Variants in PARD3 observed in about 807,000 individuals in gnomAD.
PARD3 encodes the protein par-3 family cell polarity regulator.
Under a neutral mutation model 155.4 loss-of-function variants are expected in PARD3, and 75 were observed. The ratio of observed to expected loss-of-function variants is 0.48; its 90% CI spans 0.40 to 0.58. The LOEUF (loss-of-function observed/expected upper bound fraction) is 0.58, where lower values mean the gene tolerates loss of function less well. Among genes scored for constraint, PARD3 ranks in the 20% least tolerant of loss-of-function variants. The pLI, the probability that PARD3 is intolerant of heterozygous loss-of-function variation, is 0.00. For synonymous variants in PARD3, 576 were observed against 610.5 expected, an observed-to-expected ratio of 0.94 and a Z score of 0.83; for missense variants, 1,642 against 1,721.7, an observed-to-expected ratio of 0.95 and a Z score of 0.82.
In PARD3 at chr10:34,445,060, AT is replaced by A. The variant is rs879519675; in HGVS notation, c.714+5256del. ...TGTTCCCAAATTGGAAAGGCAGAGG[AT>A]TTTTTTTTTTAAGCATACAAAATAT... On this transcript the variant is annotated intron_variant, in intron 5 of 24. Transcript: ENST00000374788. 1.1e-3 allele frequency among the ~76,000 whole-genome samples: 169 copies of A among 148,530 alleles called. 2 individuals are homozygous for A. The highest frequency in any genetic ancestry group is 4.1e-3 in the South Asian group (19 of 4,662).
At position 34,513,586 on chromosome 10, in the gene PARD3, T is replaced by C. The variant is rs1221156782; in HGVS notation, c.403+3393A>G. Among the ~76,000 whole-genome samples, 7 of 152,340 alleles carry C rather than the reference T, an allele frequency of 4.6e-5. No individual in the cohort carries two copies. In the East Asian group the frequency reaches 1.4e-3, roughly 29 times the overall value. On this transcript the variant is annotated intron_variant, in intron 3 of 24. Coordinates refer to ENST00000374788, the MANE Select transcript of PARD3 (RefSeq NM_001184785.2). ...GTGAGCCACCGCACCCAGCCTGGAT[T>C]ATCTTACTTAACTTTCTCATTTCTT...
intron 1 of PARD3, among the ~76,000 whole-genome samples, chr10:34,700,393 A>G (rs1274983782): frequency 6.6e-6 from 1 of 152,252 alleles, no homozygotes; most frequent in African/African-American, 2.4e-5. Flanking sequence ...AAAACAGTGC[A>G]AAGTCCTAAG....
At chr10:34,753,312 C>A (rs1836300516) in intron 1 of PARD3, among the ~76,000 whole-genome samples, 1 of 152,192 alleles carries the variant, frequency 6.6e-6, no homozygotes, top group Non-Finnish European at 1.5e-5. Context: ...AAGCTCCAGG[C>A]AAACCTTGAA....
chr10:34,425,443 TCTCG>T (rs1269356704), intron 5 of PARD3, among the ~76,000 whole-genome samples: 1 of 152,102 alleles, frequency 6.6e-6, no homozygotes, highest in Non-Finnish European at 1.5e-5. Context: ...GGAGATAGGG[TCTCG>T]CTCTGTGGCA....
At chr10:34,169,741 C>T (rs146944543) in intron 22 of PARD3, among the ~76,000 whole-genome samples, 13 of 152,252 alleles carry the variant, frequency 8.5e-5, no homozygotes, top group African/African-American at 1.4e-4. Flanking sequence ...AAAGATGGCA[C>T]GTATAGACTC....
At chr10:34,635,971 A>AT (rs1012127894) in intron 2 of PARD3, among the ~76,000 whole-genome samples, 2 of 151,240 alleles carry the variant, frequency 1.3e-5, no homozygotes, top group Non-Finnish European at 3.0e-5. Flanking sequence ...CCTCCACAGA[A>AT]TTTTTTTTTA....
intron 21 of PARD3, among the ~76,000 whole-genome samples, chr10:34,276,050 C>T (rs1417088175): frequency 6.6e-6 from 1 of 152,070 alleles, no homozygotes; most frequent in Non-Finnish European, 1.5e-5. Flanking sequence ...CTAAAAAGAA[C>T]TATTCTGAAG....
intron 1 of PARD3, among the ~76,000 whole-genome samples, chr10:34,803,990 T>G (rs977969443): frequency 6.6e-5 from 10 of 151,992 alleles, no homozygotes; most frequent in African/African-American, 2.4e-4. Context: ...AAAAAATAGT[T>G]ATCAATCCAA....
chr10:34,120,004 A>ATTTTTT lies in PARD3; in HGVS notation c.3541-270_3541-265dup, dbSNP rs1185067110. Reference sequence around the variant, plus strand: ...AGATCAAACTTTCTAGTCTTCTTTAATTTTTTTTTTTTTTTTTTTTTTTTT... The same window carrying ATTTTTT: ...AGATCAAACTTTCTAGTCTTCTTTAATTTTTTTTTTTTTTTTTTTTTTTTTTTTTTT... On this transcript the variant is annotated intron_variant, in intron 23 of 24. Coordinates refer to ENST00000374788, the MANE Select transcript of PARD3 (RefSeq NM_001184785.2). Among the ~76,000 whole-genome samples, 94 of 73,818 alleles carry ATTTTTT rather than the reference A, an allele frequency of 1.3e-3. 9 individuals carry two copies. Among genetic ancestry groups the ATTTTTT allele is most frequent in the African/African-American group, 4.6e-3 (79 of 17,048 alleles). The allele number at this position is 73,818 out of a possible 152,430, so 48.4% of individuals were successfully genotyped here. A position where few individuals can be genotyped will look rare whatever the true frequency, so the allele number is the denominator to read the frequency against.
intron 22 of PARD3, among the ~76,000 whole-genome samples, chr10:34,231,099 C>T (rs1393195162): frequency 2.0e-5 from 3 of 151,836 alleles, no homozygotes; most frequent in Non-Finnish European, 4.4e-5. Context: ...ATCCTAGCCA[C>T]AAAAATTTCT....
intron 2 of PARD3, among the ~76,000 whole-genome samples, chr10:34,639,832 C>G (rs1019177522): frequency 1.3e-5 from 2 of 152,088 alleles, no homozygotes; most frequent in South Asian, 4.2e-4. Flanking sequence ...CAACACTGCA[C>G]TCCAGCCTCG....
chr10:34,581,264 TCAC>T, intron 2 of PARD3, among the ~76,000 whole-genome samples: 1 of 117,494 alleles, frequency 8.5e-6, no homozygotes, highest in Non-Finnish European at 1.7e-5. Flanking sequence ...AGACGGAGTT[TCAC>T]TCTGTCACCC....
chr10:34,788,473 A>G (rs1303139331), intron 1 of PARD3, among the ~76,000 whole-genome samples: 2 of 144,566 alleles, frequency 1.4e-5, no homozygotes, highest in African/African-American at 5.3e-5. Context: ...TTCCTGAGAC[A>G]CAGTCTTGCT....
rs373219098 is a variant in PARD3 at position 34,382,313 on chromosome 10, A to G, written c.1399+227T>C. Among the ~76,000 whole-genome samples, 9 of 152,316 alleles carry G rather than the reference A, an allele frequency of 5.9e-5. No homozygotes were observed. The South Asian group carries it at 8.3e-4, about 14-fold the overall frequency. On this transcript the variant is annotated intron_variant, in intron 9 of 24. Transcript: ENST00000374788. ...CTTATTCTCTGCACTTTTACATTTT[A>G]ATTTCTACAGAGCAAAATAAACCTG...
Position 34,801,497 on chromosome 10 carries a change from G to C in PARD3, c.120+13379C>G, listed in dbSNP as rs114065873. On this transcript the variant is annotated intron_variant, in intron 1 of 24. Coordinates refer to ENST00000374788, the MANE Select transcript of PARD3 (RefSeq NM_001184785.2). Reference sequence around the variant, plus strand: ...CTCTTGAATACAAAGCCAGGGTGTTGATAACTGCAAGTCTGACTTCATCGC... The same window carrying C: ...CTCTTGAATACAAAGCCAGGGTGTTCATAACTGCAAGTCTGACTTCATCGC... Among the ~76,000 whole-genome samples, 438 of 152,314 alleles carry C rather than the reference G, an allele frequency of 2.9e-3. 3 individuals carry two copies. The highest frequency in any genetic ancestry group is 9.9e-3 in the African/African-American group (411 of 41,574).
At chr10:34,499,040 T>A (rs1369783689) in intron 3 of PARD3, among the ~76,000 whole-genome samples, 1 of 152,152 alleles carries the variant, frequency 6.6e-6, no homozygotes, top group Admixed American at 6.5e-5. Flanking sequence ...TGTAGATGAG[T>A]CCAGAGGAAG....
At position 34,485,762 on chromosome 10, in the gene PARD3, C is replaced by T. The variant is rs116627129; in HGVS notation, c.404-15499G>A. On this transcript the variant is annotated intron_variant, in intron 3 of 24. Transcript: ENST00000374788. ...TCAGACTTAAAAAGGTGTCAGACTCCTTGCGAGAGAGATTTGTGGGGCCAT... is the reference window on the plus strand; with the variant it reads ...TCAGACTTAAAAAGGTGTCAGACTCTTTGCGAGAGAGATTTGTGGGGCCAT... Among the ~76,000 whole-genome samples the T allele has an allele frequency of 9.3e-3, 1,421 of 152,110 alleles. 28 individuals carry two copies. The highest frequency in any genetic ancestry group is 0.033 in the African/African-American group (1,360 of 41,500).
intron 2 of PARD3, among the ~76,000 whole-genome samples, chr10:34,546,302 T>C (rs1474952919): frequency 6.6e-6 from 1 of 151,832 alleles, no homozygotes; most frequent in Non-Finnish European, 1.5e-5. Flanking sequence ...TGAATCACAA[T>C]GTCAGGGGTT....
rs72049773 is a variant in PARD3 at position 34,762,469 on chromosome 10, C to CTTTTTTTTT, written c.120+52398_120+52406dup. ...CACAGACACATGCCACCATGCCTGA[C>CTTTTTTTTT]TTTTTTTTTTTTTTTTTTTTGTAGA... On this transcript the variant is annotated intron_variant, in intron 1 of 24. Transcript: ENST00000374788. 1.3e-3 allele frequency among the ~76,000 whole-genome samples: 127 copies of CTTTTTTTTT among 98,652 alleles called. 2 individuals are homozygous for CTTTTTTTTT. The highest frequency in any genetic ancestry group is 1.8e-3 in the Non-Finnish European group (93 of 50,890). 64.7% of individuals were successfully genotyped at this position (98,652 alleles called of 152,430 possible). A position where few individuals can be genotyped will look rare whatever the true frequency, so the allele number is the denominator to read the frequency against.
Sources: gnomAD v4.1 joint callset for allele counts (sites outside exome capture counted in the v4.1 genomes callset) on GRCh38, gnomAD v4.1.1 for gene constraint, MANE v1.5 for transcripts, NCBI Gene and HGNC (gene_info 2026-07-23, HGNC 2026-07-21) for gene names.